Variants in NR3C2 observed in about 807,000 individuals in gnomAD.
NR3C2 encodes the protein mineralocorticoid receptor.
NR3C2 carries 15 observed loss-of-function variants against 86.4 expected under a neutral mutation model. The ratio of observed to expected loss-of-function variants is 0.17; its 90% CI spans 0.12 to 0.27. The LOEUF is 0.27. NR3C2 is among the 10% of genes least tolerant of loss of function. The pLI, the probability that NR3C2 is intolerant of heterozygous loss-of-function variation, is 1.00. For synonymous variants in NR3C2, 458 were observed against 450.5 expected (o/e 1.02, Z -0.21); for missense variants, 960 against 1,195.6 (o/e 0.80, Z 2.91).
At chr4:148,433,130 C>T (rs1749873126) in intron 2 of NR3C2, among the ~76,000 whole-genome samples, 1 of 152,098 alleles carries the variant, frequency 6.6e-6, no homozygotes. Context: ...ATGTCTAAGG[C>T]TATGCACGGG....
intron 2 of NR3C2, among the ~76,000 whole-genome samples, chr4:148,389,097 C>T (rs1175208819): frequency 6.6e-6 from 1 of 152,132 alleles, no homozygotes; most frequent in Admixed American, 6.5e-5. Flanking sequence ...CTCAAATTTC[C>T]ACTTTCATCT....
intron 4 of NR3C2, among the ~76,000 whole-genome samples, chr4:148,179,017 T>C (rs1735524764): frequency 1.3e-5 from 2 of 150,676 alleles, no homozygotes; most frequent in South Asian, 4.2e-4. Flanking sequence ...TCCTGAGTGA[T>C]ATTCCAGCAG....
intron 2 of NR3C2, among the ~76,000 whole-genome samples, chr4:148,381,645 T>G (rs959450842): frequency 2.0e-5 from 3 of 152,232 alleles, no homozygotes; most frequent in Non-Finnish European, 2.9e-5. Flanking sequence ...CAAAATGTTT[T>G]TATTTTTAAA....
At chr4:148,135,150 CA>C (rs1312949258) in intron 6 of NR3C2, among the ~76,000 whole-genome samples, 2 of 152,168 alleles carry the variant, frequency 1.3e-5, no homozygotes, top group African/African-American at 2.4e-5. Context: ...AAAGGAACAG[CA>C]GTGGTATGGT....
At chr4:148,342,035 C>T (rs1744771917) in intron 2 of NR3C2, among the ~76,000 whole-genome samples, 1 of 152,116 alleles carries the variant, frequency 6.6e-6, no homozygotes, top group Admixed American at 6.6e-5. Flanking sequence ...CCTCTTCTGA[C>T]TTGTCTTACT....
rs10034617 is a variant in NR3C2 at position 148,335,019 on chromosome 4, T to C, written c.1758-74902A>G. 6.3e-3 allele frequency among the ~76,000 whole-genome samples: 959 copies of C among 152,334 alleles called. 7 individuals are homozygous for C. Among genetic ancestry groups the C allele is most frequent in the African/African-American group, 0.022 (931 of 41,576 alleles). On this transcript the variant is annotated intron_variant, in intron 2 of 8. Coordinates refer to ENST00000358102, the MANE Select transcript of NR3C2 (RefSeq NM_000901.5). ...TCCCAATTTCCCCTTTGTATAAAGA[T>C]TCCAGTTATATTACATTAGGGGCCA...
At chr4:148,189,678 A>G (rs1396090409) in intron 4 of NR3C2, among the ~76,000 whole-genome samples, 1 of 152,004 alleles carries the variant, frequency 6.6e-6, no homozygotes, top group African/African-American at 2.4e-5. Flanking sequence ...ACAATTTTTT[A>G]GTTACCATTT....
At chr4:148,420,560 T>C (rs2126603968) in intron 2 of NR3C2, among the ~76,000 whole-genome samples, 1 of 152,330 alleles carries the variant, frequency 6.6e-6, no homozygotes, top group African/African-American at 2.4e-5. Flanking sequence ...GGATCTTGAA[T>C]GTTATCTAGA....
intron 6 of NR3C2, among the ~76,000 whole-genome samples, chr4:148,151,264 C>T (rs201070837): frequency 6.6e-6 from 1 of 151,464 alleles, no homozygotes; most frequent in African/African-American, 2.4e-5. Flanking sequence ...TATTTACTCA[C>T]GTCCTTTTAA....
chr4:148,263,547 T>G (rs374098999), intron 2 of NR3C2, among the ~76,000 whole-genome samples: 1 of 152,226 alleles, frequency 6.6e-6, no homozygotes, highest in African/African-American at 2.4e-5. Flanking sequence ...AGGTTCTGAC[T>G]GTATTACTTC....
intron 2 of NR3C2, among the ~76,000 whole-genome samples, chr4:148,281,796 G>A (rs1439667999): frequency 4.6e-5 from 7 of 152,128 alleles, no homozygotes; most frequent in South Asian, 2.1e-4. Flanking sequence ...TATAGGAGAC[G>A]GAAAGATGCT....
chr4:148,332,231 T>C (rs1744264713), intron 2 of NR3C2, among the ~76,000 whole-genome samples: 1 of 152,238 alleles, frequency 6.6e-6, no homozygotes, highest in South Asian at 2.1e-4. Flanking sequence ...AATAAATCTA[T>C]GCAAGCATAT....
intron 2 of NR3C2, among the ~76,000 whole-genome samples, chr4:148,296,381 T>C (rs931025918): frequency 1.3e-5 from 2 of 152,128 alleles, no homozygotes; most frequent in Non-Finnish European, 2.9e-5. Flanking sequence ...AAACAAGTAA[T>C]ATTTTATTTT....
chr4:148,204,329 T>C (rs1736891636), intron 3 of NR3C2, among the ~76,000 whole-genome samples: 1 of 152,158 alleles, frequency 6.6e-6, no homozygotes, highest in Non-Finnish European at 1.5e-5. Flanking sequence ...GAATTTAACA[T>C]AGCTGCACTT....
intron 2 of NR3C2, among the ~76,000 whole-genome samples, chr4:148,323,349 C>T (rs1743743062): frequency 6.7e-6 from 1 of 148,940 alleles, no homozygotes; most frequent in Non-Finnish European, 1.5e-5. Flanking sequence ...TGTGCCCTGC[C>T]CCCAGAGGTG....
At chr4:148,369,739 G>A (rs1746322367) in intron 2 of NR3C2, among the ~76,000 whole-genome samples, 1 of 152,132 alleles carries the variant, frequency 6.6e-6, no homozygotes, top group African/African-American at 2.4e-5. Flanking sequence ...GTGCCCCTCT[G>A]GCAGGATCTT....
At chr4:148,198,604 T>C (rs556631249) in intron 3 of NR3C2, among the ~76,000 whole-genome samples, 3 of 150,854 alleles carry the variant, frequency 2.0e-5, no homozygotes, top group Non-Finnish European at 4.4e-5. Context: ...TCTTGATCTA[T>C]AAAATGCAAA....
rs886059120 is a variant in NR3C2, at chr4:148,079,436, C to CTAA, written c.*1905_*1907dup. On this transcript the variant is annotated 3_prime_UTR_variant, in exon 9 of 9. Coordinates refer to ENST00000358102, the MANE Select transcript of NR3C2 (RefSeq NM_000901.5). ...GTGAACCCTGGAGAAAAGTGTTGATCTAATTAATTGCTGCTTCCTCGTGGC... is the reference window on the plus strand; with the variant it reads ...GTGAACCCTGGAGAAAAGTGTTGATCTAATAATTAATTGCTGCTTCCTCGTGGC... 6.6e-6 allele frequency: 1 copy of CTAA among 152,440 alleles called. No individual in the cohort carries two copies. The highest frequency in any genetic ancestry group is 1.5e-5 in the Non-Finnish European group (1 of 68,042). 9.4% of individuals were successfully genotyped at this position (152,440 alleles called of 1,614,324 possible). A position where few individuals can be genotyped will look rare whatever the true frequency, so the allele number is the denominator to read the frequency against.
At chr4:148,128,454 C>T (rs1426837596) in intron 6 of NR3C2, among the ~76,000 whole-genome samples, 1 of 152,252 alleles carries the variant, frequency 6.6e-6, no homozygotes, top group Admixed American at 6.5e-5. Flanking sequence ...CAAGCCCAAA[C>T]TACAAAGCAT....
Sources: allele counts gnomAD v4.1 joint callset (sites outside exome capture counted in the v4.1 genomes callset), GRCh38; gene constraint gnomAD v4.1.1; transcripts MANE v1.5; gene names NCBI Gene and HGNC (gene_info 2026-07-23, HGNC 2026-07-21).